CLYBL: variants seen among roughly 807,000 people sequenced by gnomAD.
CLYBL encodes the protein citramalyl-CoA lyase, mitochondrial.
A neutral mutation model predicts 38.9 loss-of-function variants in CLYBL; 31 were observed. The ratio of observed to expected loss-of-function variants is 0.80; its 90% CI spans 0.60 to 1.08. CLYBL has a LOEUF of 1.08. CLYBL is among the 50% of genes least tolerant of loss of function. The pLI is 0.00. For synonymous variants in CLYBL, 171 were observed against 158.6 expected (o/e 1.08, Z -0.59); for missense variants, 434 against 411.6 (o/e 1.05, Z -0.47).
chr13:99,729,874 C>T (rs1264927422), intron 1 of CLYBL, among the ~76,000 whole-genome samples: 2 of 150,850 alleles, frequency 1.3e-5, no homozygotes, highest in Non-Finnish European at 3.0e-5. Context: ...GCCTCGGCAC[C>T]GCTTCAGTGT....
intron 1 of CLYBL, among the ~76,000 whole-genome samples, chr13:99,754,694 C>T (rs1230850330): frequency 6.6e-6 from 1 of 151,212 alleles, no homozygotes; most frequent in African/African-American, 2.4e-5. Flanking sequence ...AAGTGATTCT[C>T]CTGCCTCAGC....
Position 99,828,039 on chromosome 13 carries a change from G to A in CLYBL, c.250-30822G>A, listed in dbSNP as rs191384223. Among the ~76,000 whole-genome samples, 47 of 152,330 alleles carry A rather than the reference G, an allele frequency of 3.1e-4. No individual in the cohort carries two copies. In the East Asian group the frequency reaches 7.7e-3, roughly 25 times the overall value. On this transcript the variant is annotated intron_variant, in intron 2 of 8. Transcript: ENST00000339105. Reference sequence around the variant, plus strand: ...AGTTGAAATGCCCCTCCTGAGGGGTGCCCTTCTGGGGATGCAGGACCCACG... The same window carrying A: ...AGTTGAAATGCCCCTCCTGAGGGGTACCCTTCTGGGGATGCAGGACCCACG...
chr13:99,791,977 C>CT (rs1327674721), intron 2 of CLYBL, among the ~76,000 whole-genome samples: 1 of 152,188 alleles, frequency 6.6e-6, no homozygotes, highest in Non-Finnish European at 1.5e-5. Context: ...AGAAAAGACT[C>CT]TAATGCCAGA....
chr13:99,844,647 C>T (rs907242606), intron 2 of CLYBL, among the ~76,000 whole-genome samples: 3 of 152,242 alleles, frequency 2.0e-5, no homozygotes, highest in African/African-American at 7.2e-5. Flanking sequence ...ACTTCAGTCA[C>T]TCTCCCTGTG....
intron 1 of CLYBL, among the ~76,000 whole-genome samples, chr13:99,704,203 A>G (rs1302364596): frequency 6.6e-6 from 1 of 152,228 alleles, no homozygotes; most frequent in African/African-American, 2.4e-5. Flanking sequence ...GCCTTCAGAT[A>G]TCTTTTTCCT....
At chr13:99,646,266 G>A (rs187282554) in intron 1 of CLYBL, among the ~76,000 whole-genome samples, 5 of 152,118 alleles carry the variant, frequency 3.3e-5, no homozygotes, top group Admixed American at 1.3e-4. Context: ...AGCAGTCATC[G>A]CACTCCTTTA....
At chr13:99,713,958 T>C (rs762804623) in intron 1 of CLYBL, among the ~76,000 whole-genome samples, 18 of 151,516 alleles carry the variant, frequency 1.2e-4, no homozygotes, top group Non-Finnish European at 2.4e-4. Context: ...ATGCTAGGAT[T>C]ACAGGTGTGA....
intron 1 of CLYBL, among the ~76,000 whole-genome samples, chr13:99,641,235 A>T (rs931096747): frequency 2.6e-5 from 4 of 152,252 alleles, no homozygotes; most frequent in African/African-American, 9.6e-5. Flanking sequence ...GTAATTAATC[A>T]TTTATAACCT....
intron 2 of CLYBL, among the ~76,000 whole-genome samples, chr13:99,843,334 A>C (rs2051128270): frequency 6.6e-6 from 1 of 152,166 alleles, no homozygotes. Flanking sequence ...ATCCCCAAAG[A>C]AGCTGTCTTG....
chr13:99,768,778 G>A (rs1004218328), intron 1 of CLYBL, among the ~76,000 whole-genome samples: 5 of 152,108 alleles, frequency 3.3e-5, no homozygotes, highest in Admixed American at 6.5e-5. Context: ...CTCCCAAAGT[G>A]CTAGGATTAC....
At chr13:99,790,917 G>A (rs2049902528) in intron 2 of CLYBL, among the ~76,000 whole-genome samples, 1 of 152,122 alleles carries the variant, frequency 6.6e-6, no homozygotes. Context: ...TCCGCCAATG[G>A]CTCCTGAGAA....
downstream of CLYBL, chr13:99,894,693 G>A (rs899571149): frequency 3.8e-5 from 5 of 131,072 alleles, no homozygotes; most frequent in African/African-American, 8.7e-5. Flanking sequence ...AATAGGACCC[G>A]TGTGGTGTAG....
chr13:99,841,639 A>G (rs1270005515), intron 2 of CLYBL, among the ~76,000 whole-genome samples: 1 of 152,120 alleles, frequency 6.6e-6, no homozygotes, highest in African/African-American at 2.4e-5. Flanking sequence ...ACCTCAGGTG[A>G]TCTGCCTGCC....
At chr13:99,847,064 G>C (rs1413572545) in intron 2 of CLYBL, among the ~76,000 whole-genome samples, 1 of 152,202 alleles carries the variant, frequency 6.6e-6, no homozygotes, top group African/African-American at 2.4e-5. Flanking sequence ...GTCAGCTGGA[G>C]AACTAGAGGG....
At chr13:99,700,751 C>T (rs892656149) in intron 1 of CLYBL, among the ~76,000 whole-genome samples, 6 of 152,278 alleles carry the variant, frequency 3.9e-5, no homozygotes, top group African/African-American at 1.2e-4. Context: ...GTATTTGCTG[C>T]AGGGAGTGAT....
chr13:99,683,078 T>A (rs1289767730), intron 1 of CLYBL, among the ~76,000 whole-genome samples: 1 of 150,414 alleles, frequency 6.6e-6, no homozygotes, highest in African/African-American at 2.5e-5. Context: ...TATATATGTT[T>A]TGTTTTGTTT....
At chr13:99,666,896 T>C (rs547499988) in intron 1 of CLYBL, among the ~76,000 whole-genome samples, 3 of 152,256 alleles carry the variant, frequency 2.0e-5, no homozygotes, top group Admixed American at 2.0e-4. Flanking sequence ...TCTGTGCTAG[T>C]TTTTCTGGGG....
chr13:99,737,426 A>G (rs1223164090), intron 1 of CLYBL, among the ~76,000 whole-genome samples: 6 of 152,156 alleles, frequency 3.9e-5, no homozygotes, highest in Non-Finnish European at 5.9e-5. Flanking sequence ...TCCAACTCCT[A>G]ATATGAATCT....
chr13:99,828,093 G>A (rs1413257210), intron 2 of CLYBL, among the ~76,000 whole-genome samples: 1 of 152,118 alleles, frequency 6.6e-6, no homozygotes, highest in Admixed American at 6.5e-5. Context: ...CACAATATAT[G>A]TATTTATTTT....
Sources: allele counts gnomAD v4.1 joint callset (sites outside exome capture counted in the v4.1 genomes callset), GRCh38; gene constraint gnomAD v4.1.1; transcripts MANE v1.5; gene names NCBI Gene and HGNC (gene_info 2026-07-23, HGNC 2026-07-21).